Variants in ZNF641 observed in about 807,000 individuals in gnomAD.
ZNF641 encodes the protein zinc finger protein 641.
ZNF641 carries 26 observed loss-of-function variants against 46.2 expected under a neutral mutation model. The observed-to-expected ratio is 0.56, with a 90% CI of 0.41 to 0.78. The LOEUF is 0.78. Among genes scored for constraint, ZNF641 ranks in the 30% least tolerant of loss-of-function variants. The pLI is 0.00. For synonymous variants in ZNF641, 163 were observed against 187.9 expected, an observed-to-expected ratio of 0.87 and a Z score of 1.09; for missense variants, 469 against 517.8, an observed-to-expected ratio of 0.91 and a Z score of 0.91.
At chr12:48,336,332 T>C (rs915467810), downstream of ZNF641, among the ~76,000 whole-genome samples, 1 of 152,114 alleles carries the variant, frequency 6.6e-6, no homozygotes, top group Non-Finnish European at 1.5e-5. Context: ...CTTCCCTTTT[T>C]GGTGATGGAA....
chr12:48,344,123 A>G (rs1952797770), intron 5 of ZNF641, among the ~76,000 whole-genome samples: 1 of 152,230 alleles, frequency 6.6e-6, no homozygotes. Flanking sequence ...TATTACTATT[A>G]ATCAGCATCT....
In ZNF641 at chr12:48,342,553, G is replaced by T; in HGVS notation, c.*420C>A. ...TGGGTCTACTGCAGAAATTTTCAGA[G>T]CCTTTAATATTCTAAAATGGCCTTT... On this transcript the variant is annotated 3_prime_UTR_variant, in exon 6 of 6. Transcript: ENST00000547026. 1 of 539,770 alleles carries T rather than the reference G, an allele frequency of 1.9e-6. No homozygotes were observed. The highest frequency in any genetic ancestry group is 2.4e-6 in the Non-Finnish European group (1 of 418,508). 33.4% of individuals were successfully genotyped at this position (539,770 alleles called of 1,614,324 possible). A position where few individuals can be genotyped will look rare whatever the true frequency, so the allele number is the denominator to read the frequency against.
chr12:48,348,814 G>A (rs1390916759), intron 1 of ZNF641, among the ~76,000 whole-genome samples: 4 of 152,226 alleles, frequency 2.6e-5, no homozygotes, highest in African/African-American at 9.6e-5. Context: ...AGGAGCTGAA[G>A]TTTAATCAGG....
chr12:48,343,256 C>T lies in ZNF641; in HGVS notation c.992G>A (p.Gly331Asp), dbSNP rs766381425. 5 of 1,614,130 alleles carry T rather than the reference C, an allele frequency of 3.1e-6. No homozygotes were observed. The African/African-American group carries it at 4.0e-5, about 13-fold the overall frequency. ...LASHQRVHAE[G>D]KSCKGQEVGE... ...AACCTCTTGGCCTTTGCAGGATTTG[C>T]CTTCTGCATGCACTCTCTGGTGGCT... is the stretch of plus-strand genomic sequence containing the variant. Residue 331 changes from glycine (G) to aspartate (D), a missense_variant, in exon 6 of 6, where the codon GGC (glycine) becomes GAC (aspartate). Around this residue, in one of 3 missense-constraint regions of ZNF641, gnomAD observed 346 missense variants for 354.0 expected, o/e 0.98. Transcript: ENST00000547026.
At chr12:48,350,942 A>G, upstream of ZNF641, 1 of 802,048 alleles carries the variant, frequency 1.2e-6, no homozygotes, top group Non-Finnish European at 1.5e-6. Flanking sequence ...GGGCGGGCAC[A>G]GGAAATCCCC....
rs1349410301 is a variant in ZNF641 at position 48,350,906 on chromosome 12, G to A, written c.-146C>T. On this transcript the variant is annotated 5_prime_UTR_variant, in exon 1 of 6. Coordinates refer to ENST00000547026, the MANE Select transcript of ZNF641 (RefSeq NM_001172681.2). ...GCGGAGCCAGCGACAGGCGGAGACG[G>A]CGGCCCGGCAGGCGCGGGCGGGGCG... 16 of 979,874 alleles carry A rather than the reference G, an allele frequency of 1.6e-5. No homozygotes were observed. Among genetic ancestry groups the A allele is most frequent in the Non-Finnish European group, 1.8e-5 (15 of 825,116 alleles). 60.7% of individuals were successfully genotyped at this position (979,874 alleles called of 1,614,324 possible).
chr12:48,340,854 C>T lies in ZNF641; in HGVS notation c.*2119G>A. On this transcript the variant is annotated 3_prime_UTR_variant, in exon 6 of 6. Transcript: ENST00000547026. ...TCAGAGTCCAGATTTATCACTGAAC[C>T]CAATACTTTCTTACTCCCTGGGGCA... 1 of 985,412 alleles carries T rather than the reference C, an allele frequency of 1.0e-6. No individual in the cohort carries two copies. The highest frequency in any genetic ancestry group is 1.2e-6 in the Non-Finnish European group (1 of 829,930). The allele number at this position is 985,412 out of a possible 1,614,324, so 61.0% of individuals were successfully genotyped here.
Position 48,339,552 on chromosome 12 carries a change from G to A in ZNF641, c.*3421C>T, listed in dbSNP as rs1952673711. The A allele has an allele frequency of 6.6e-6, 1 of 152,100 alleles. No individual in the cohort carries two copies. Among genetic ancestry groups the A allele is most frequent in the African/African-American group, 2.4e-5 (1 of 41,398 alleles). 9.4% of individuals were successfully genotyped at this position (152,100 alleles called of 1,614,324 possible). A position where few individuals can be genotyped will look rare whatever the true frequency, so the allele number is the denominator to read the frequency against. Reference sequence around the variant, plus strand: ...AAAAGAGGAAAATTTTGCTAGCTCAGGCTCTCTAAGGATCTAAAGGAATGG... The same window carrying A: ...AAAAGAGGAAAATTTTGCTAGCTCAAGCTCTCTAAGGATCTAAAGGAATGG... On this transcript the variant is annotated 3_prime_UTR_variant, in exon 6 of 6. Transcript: ENST00000547026.
In ZNF641 at chr12:48,342,763, C is replaced by G; in HGVS notation, c.*210G>C. The G allele has an allele frequency of 3.6e-6, 5 of 1,402,248 alleles. No homozygotes were observed. The highest frequency in any genetic ancestry group is 3.2e-5 in the South Asian group (2 of 61,812). The allele number at this position is 1,402,248 out of a possible 1,614,324, so 86.9% of individuals were successfully genotyped here. A position where few individuals can be genotyped will look rare whatever the true frequency, so the allele number is the denominator to read the frequency against. Reference sequence around the variant, plus strand: ...AGCCCATGTAGGATGCATTGCTTCCCAAAAGTTTTGCCCAAAGAACTCTAT... The same window carrying G: ...AGCCCATGTAGGATGCATTGCTTCCGAAAAGTTTTGCCCAAAGAACTCTAT... On this transcript the variant is annotated 3_prime_UTR_variant, in exon 6 of 6. Transcript: ENST00000547026.
chr12:48,342,891 G>T lies in ZNF641; in HGVS notation c.*82C>A. On this transcript the variant is annotated 3_prime_UTR_variant, in exon 6 of 6. Coordinates refer to ENST00000547026, the MANE Select transcript of ZNF641 (RefSeq NM_001172681.2). ...AGGGCTTATGATTCTGGCCACTGGG[G>T]TTCAGGAGAACGGCAGCCCTGGCAG... 1 of 1,520,200 alleles carries T rather than the reference G, an allele frequency of 6.6e-7. No homozygotes were observed. The highest frequency in any genetic ancestry group is 8.8e-7 in the Non-Finnish European group (1 of 1,142,674). The allele number at this position is 1,520,200 out of a possible 1,614,324, so 94.2% of individuals were successfully genotyped here.
Position 48,338,390 on chromosome 12 carries a change from G to C in ZNF641, c.*4583C>G, listed in dbSNP as rs1386971187. ...GAATGCTGCCTGTTGGGAAAAAGGAGGTGGTGGCAGGAAAGAGGGAGACAG... is the reference window on the plus strand; with the variant it reads ...GAATGCTGCCTGTTGGGAAAAAGGACGTGGTGGCAGGAAAGAGGGAGACAG... On this transcript the variant is annotated 3_prime_UTR_variant, in exon 6 of 6. Transcript: ENST00000547026. The C allele has an allele frequency of 6.6e-6, 1 of 152,332 alleles. No individual in the cohort carries two copies. The highest frequency in any genetic ancestry group is 2.1e-4 in the South Asian group (1 of 4,834). 9.4% of individuals were successfully genotyped at this position (152,332 alleles called of 1,614,324 possible). A position where few individuals can be genotyped will look rare whatever the true frequency, so the allele number is the denominator to read the frequency against.
chr12:48,344,000 C>A (rs1952793664), intron 5 of ZNF641, among the ~76,000 whole-genome samples: 2 of 152,256 alleles, frequency 1.3e-5, no homozygotes, highest in East Asian at 3.8e-4. Context: ...AATAATACCT[C>A]TCTCTCCGGC....
intron 3 of ZNF641, 127 bp from the exon 4 acceptor site, chr12:48,345,601 C>A: frequency 8.4e-7 from 1 of 1,186,706 alleles, no homozygotes; most frequent in East Asian, 2.4e-5. Context: ...GCCCAGAAGT[C>A]CCTGGGTAGG....
chr12:48,344,784 C>T (rs933563935), intron 4 of ZNF641, 72 bp from the exon 5 acceptor site: 4 of 916,922 alleles, frequency 4.4e-6, no homozygotes, highest in African/African-American at 3.3e-5. Flanking sequence ...AAAAAAAATA[C>T]AAAAAACTGT....
chr12:48,347,151 T>G (rs776259373), intron 3 of ZNF641, 101 bp downstream of exon 3: 1 of 1,592,920 alleles, frequency 6.3e-7, no homozygotes. Flanking sequence ...GAACATACCA[T>G]TGATGATCAT....
At chr12:48,343,748 C>G (rs1193024346) in intron 5 of ZNF641, 21 bp from the exon 6 acceptor site, 20 of 1,450,754 alleles carry the variant, frequency 1.4e-5, no homozygotes, top group Non-Finnish European at 1.8e-5. Context: ...GGGGAAATAC[C>G]AACCCCAAGA....
rs1224852918 is a variant in ZNF641, at chr12:48,339,021, T to G, written c.*3952A>C. The G allele has an allele frequency of 1.3e-5, 2 of 152,250 alleles. No individual in the cohort carries two copies. The highest frequency in any genetic ancestry group is 2.9e-5 in the Non-Finnish European group (2 of 68,058). The allele number at this position is 152,250 out of a possible 1,614,324, so 9.4% of individuals were successfully genotyped here. A position where few individuals can be genotyped will look rare whatever the true frequency, so the allele number is the denominator to read the frequency against. On this transcript the variant is annotated 3_prime_UTR_variant, in exon 6 of 6. Transcript: ENST00000547026. ...ATTGGATTTTCCACCTTTGAGTTGT[T>G]TATTCCTTTCTGTCCTTTCAGATTT...
intron 4 of ZNF641, 139 bp downstream of exon 4, chr12:48,345,206 G>T: frequency 2.2e-6 from 2 of 925,132 alleles, no homozygotes; most frequent in Non-Finnish European, 3.2e-6. Context: ...TGGCCCTAGT[G>T]TTCTTTCTCC....
chr12:48,350,066 C>G, intron 1 of ZNF641: 1 of 1,614,198 alleles, frequency 6.2e-7, no homozygotes, highest in Non-Finnish European at 8.5e-7. Context: ...CTTGCATTTC[C>G]TAAGATATTC....
Sources: allele counts gnomAD v4.1 joint callset (sites outside exome capture counted in the v4.1 genomes callset), GRCh38; gene constraint gnomAD v4.1.1; regional missense constraint gnomAD v4.1.1; transcripts MANE v1.5; gene names NCBI Gene and HGNC (gene_info 2026-07-23, HGNC 2026-07-21).